Variants in SYNPR observed in about 807,000 individuals in gnomAD.
SYNPR encodes the protein synaptoporin.
In SYNPR, 23 loss-of-function variants were observed where a neutral mutation model predicts 32.9. The observed-to-expected ratio is 0.70, with a 90% CI of 0.50 to 0.99. The LOEUF (loss-of-function observed/expected upper bound fraction) is 0.99, where lower values mean the gene tolerates loss of function less well. SYNPR is among the 50% of genes least tolerant of loss of function. SYNPR has a pLI of 0.00. For synonymous variants in SYNPR, 146 were observed against 135.9 expected, an observed-to-expected ratio of 1.07 and a Z score of -0.52; for missense variants, 318 against 349.3, an observed-to-expected ratio of 0.91 and a Z score of 0.71.
intron 2 of SYNPR, among the ~76,000 whole-genome samples, chr3:63,424,358 G>C (rs1177807293): frequency 4.6e-5 from 7 of 151,938 alleles, no homozygotes; most frequent in African/African-American, 1.2e-4. Flanking sequence ...TTGAAGGTAG[G>C]CCAGTCTATA....
Position 63,597,950 on chromosome 3 carries a change from T to C in SYNPR, c.409-11175T>C, listed in dbSNP as rs555291891. On this transcript the variant is annotated intron_variant, in intron 4 of 5. Coordinates refer to ENST00000478300, the MANE Select transcript of SYNPR (RefSeq NM_001130003.2). ...CTGCCATCTTGCTATTTGCTTTCTG[T>C]GTTTCCTGATCCATAGTGTCATTCT... is the stretch of plus-strand genomic sequence containing the variant. 3.9e-5 allele frequency among the ~76,000 whole-genome samples: 6 copies of C among 152,326 alleles called. No individual in the cohort carries two copies. The South Asian group carries it at 1.2e-3, about 32-fold the overall frequency.
At chr3:63,352,568 G>A (rs2087523908) in intron 2 of SYNPR, among the ~76,000 whole-genome samples, 1 of 152,146 alleles carries the variant, frequency 6.6e-6, no homozygotes, top group African/African-American at 2.4e-5. Context: ...ATAGAAAAAA[G>A]GGGACATTGA....
intron 2 of SYNPR, among the ~76,000 whole-genome samples, chr3:63,479,446 G>GCGCGCGCACACACACGCACA (rs6147854): frequency 7.4e-6 from 1 of 135,742 alleles, no homozygotes; most frequent in Non-Finnish European, 1.6e-5. Context: ...CCACACACAT[G>GCGCGCGCACACACACGCACA]CACACACACA....
intron 1 of SYNPR, among the ~76,000 whole-genome samples, chr3:63,237,320 A>G (rs747789392): frequency 7.3e-5 from 11 of 151,540 alleles, no homozygotes; most frequent in Non-Finnish European, 1.0e-4. Context: ...ATCCTCTGTC[A>G]TCTCCACTCT....
intron 2 of SYNPR, among the ~76,000 whole-genome samples, chr3:63,436,380 T>G (rs1700085959): frequency 7.4e-6 from 1 of 135,392 alleles, no homozygotes; most frequent in Non-Finnish European, 1.6e-5. Context: ...CCCCTTCCTG[T>G]GTCCATGTGT....
chr3:63,443,408 T>C, intron 2 of SYNPR: 1 of 1,598,556 alleles, frequency 6.3e-7, no homozygotes, highest in Non-Finnish European at 8.5e-7. Context: ...TCTATTTTCT[T>C]TCAGGAGAGG....
chr3:63,309,856 G>A (rs1338141643), intron 2 of SYNPR, among the ~76,000 whole-genome samples: 1 of 151,968 alleles, frequency 6.6e-6, no homozygotes, highest in Non-Finnish European at 1.5e-5. Context: ...GCAAACTACA[G>A]GGGTTCTAGT....
In SYNPR at chr3:63,419,842, T is replaced by G. The variant is rs140740363; in HGVS notation, c.85-60990T>G. On this transcript the variant is annotated intron_variant, in intron 2 of 5. Transcript: ENST00000478300. ...TAACACAGAACAGAGAACATATCAT[T>G]TTAGACATCAGCTCATAAGCAATAC... Among the ~76,000 whole-genome samples the G allele has an allele frequency of 1.3e-5, 2 of 152,322 alleles. 1 individual carries two copies. The highest frequency in any genetic ancestry group is 4.8e-5 in the African/African-American group (2 of 41,582).
chr3:63,241,842 C>A (rs1423220332), intron 1 of SYNPR, among the ~76,000 whole-genome samples: 1 of 151,942 alleles, frequency 6.6e-6, no homozygotes, highest in Non-Finnish European at 1.5e-5. Context: ...CAAAAGCATA[C>A]CAAGAGAATC....
intron 2 of SYNPR, among the ~76,000 whole-genome samples, chr3:63,326,506 C>T (rs1476853877): frequency 6.6e-6 from 1 of 152,108 alleles, no homozygotes; most frequent in Non-Finnish European, 1.5e-5. Context: ...TAGGATTATA[C>T]TGAGATTGCA....
At chr3:63,209,696 C>G in the SYNPR span, among the ~76,000 whole-genome samples, 4 of 152,166 alleles carry the variant, frequency 2.6e-5, no homozygotes, top group African/African-American at 9.7e-5. Flanking sequence ...TTTTCCTTAA[C>G]CCTCACATAT....
At chr3:63,239,651 C>T (rs896271096) in intron 1 of SYNPR, among the ~76,000 whole-genome samples, 2 of 151,630 alleles carry the variant, frequency 1.3e-5, no homozygotes, top group Admixed American at 6.6e-5. Flanking sequence ...CTACCATTGT[C>T]ATGTGTAACA....
intron 2 of SYNPR, among the ~76,000 whole-genome samples, chr3:63,401,538 G>A (rs947901194): frequency 6.6e-6 from 1 of 152,194 alleles, no homozygotes; most frequent in African/African-American, 2.4e-5. Flanking sequence ...AGAAAACACA[G>A]AAAAGCTTCG....
intron 1 of SYNPR, among the ~76,000 whole-genome samples, chr3:63,237,771 T>C (rs919009377): frequency 2.6e-5 from 4 of 152,066 alleles, no homozygotes; most frequent in Non-Finnish European, 4.4e-5. Context: ...TTTGAGGTGA[T>C]GTTTTGGTCT....
the SYNPR span, among the ~76,000 whole-genome samples, chr3:63,206,471 G>C: frequency 6.6e-6 from 1 of 152,218 alleles, no homozygotes; most frequent in Middle Eastern, 3.4e-3. Flanking sequence ...TGGGGCAGGA[G>C]AATGGCTTGA....
chr3:63,382,792 A>G (rs114608096), intron 2 of SYNPR, among the ~76,000 whole-genome samples: 2,085 of 152,056 alleles, frequency 0.014, 24 homozygotes, highest in African/African-American at 0.032. Flanking sequence ...TGTCCACTCC[A>G]TCTTCCCTCT....
chr3:63,429,777 G>A (rs1013210895), intron 2 of SYNPR, among the ~76,000 whole-genome samples: 1 of 152,168 alleles, frequency 6.6e-6, no homozygotes, highest in Non-Finnish European at 1.5e-5. Context: ...TTCTGAGAAT[G>A]CCATGCTTTC....
chr3:63,425,485 T>C (rs1355768617), intron 2 of SYNPR, among the ~76,000 whole-genome samples: 1 of 152,164 alleles, frequency 6.6e-6, no homozygotes, highest in South Asian at 2.1e-4. Flanking sequence ...TAACTCCTCA[T>C]GTAGGAATAA....
intron 2 of SYNPR, among the ~76,000 whole-genome samples, chr3:63,438,697 A>G (rs1417624951): frequency 6.6e-6 from 1 of 152,226 alleles, no homozygotes; most frequent in African/African-American, 2.4e-5. Flanking sequence ...ATCACAATAC[A>G]TTGCATTTTA....
Sources: gnomAD v4.1 joint callset for allele counts (sites outside exome capture counted in the v4.1 genomes callset) on GRCh38, gnomAD v4.1.1 for gene constraint, MANE v1.5 for transcripts, NCBI Gene and HGNC (gene_info 2026-07-23, HGNC 2026-07-21) for gene names.